The following USP54 variants were observed in gnomAD, a reference collection of about 807,000 sequenced individuals.
The protein encoded by USP54 is ubiquitin carboxyl-terminal hydrolase 54.
Under a neutral mutation model 170.5 loss-of-function variants are expected in USP54, and 87 were observed. That is an observed-to-expected ratio of 0.51 (90% CI 0.43 to 0.61). The LOEUF (loss-of-function observed/expected upper bound fraction) is 0.61, where lower values mean the gene tolerates loss of function less well. Among genes scored for constraint, USP54 ranks in the 20% least tolerant of loss-of-function variants. The pLI is 0.00. For synonymous variants in USP54, 655 were observed against 742.8 expected (o/e 0.88, Z 1.92); for missense variants, 1,786 against 2,047.8 (o/e 0.87, Z 2.47).
At chr10:73,539,384 AT>A in intron 10 of USP54, 59 bp downstream of exon 10, 1 of 1,419,594 alleles carries the variant, frequency 7.0e-7, no homozygotes, top group Non-Finnish European at 9.3e-7. Flanking sequence ...CTAAAGACAA[AT>A]GATTATTCTT....
chr10:73,606,017 A>G, intron 1 of USP54, among the ~76,000 whole-genome samples: 1 of 151,716 alleles, frequency 6.6e-6, no homozygotes, highest in East Asian at 1.9e-4. Flanking sequence ...GTCTTTACTA[A>G]AAATACAAAA....
At chr10:73,573,245 T>C (rs2075536891) in intron 3 of USP54, among the ~76,000 whole-genome samples, 1 of 152,016 alleles carries the variant, frequency 6.6e-6, no homozygotes, top group Admixed American at 6.6e-5. Flanking sequence ...GAGCTATGAT[T>C]ACACCAGTGT....
At chr10:73,523,155 T>A (rs184577780) in intron 17 of USP54, among the ~76,000 whole-genome samples, 1 of 152,338 alleles carries the variant, frequency 6.6e-6, no homozygotes, top group Admixed American at 6.5e-5. Flanking sequence ...GTAAACTGGC[T>A]TTGTTCTTGC....
chr10:73,581,908 A>G (rs1463867609), intron 1 of USP54, among the ~76,000 whole-genome samples: 1 of 152,234 alleles, frequency 6.6e-6, no homozygotes, highest in African/African-American at 2.4e-5. Flanking sequence ...ACATACCTCT[A>G]GAAGCTGGTG....
At chr10:73,510,176 A>T in intron 20 of USP54, among the ~76,000 whole-genome samples, 1 of 151,656 alleles carries the variant, frequency 6.6e-6, no homozygotes, top group Middle Eastern at 3.2e-3. Context: ...CTCTACTAAA[A>T]ATACAAAAAT....
At chr10:73,598,893 C>T (rs2078952072) in intron 1 of USP54, among the ~76,000 whole-genome samples, 1 of 152,006 alleles carries the variant, frequency 6.6e-6, no homozygotes, top group Admixed American at 6.6e-5. Flanking sequence ...GCACTCCAGC[C>T]TGGCGACAGA....
chr10:73,523,884 TTATTA>T (rs537891576), intron 16 of USP54, 134 bp from the exon 17 acceptor site: 7,059 of 167,916 alleles, frequency 0.042, 545 homozygotes, highest in African/African-American at 0.1. Flanking sequence ...TTATTATTTA[TTATTA>T]TTATTATTAT....
chr10:73,516,810 A>G lies in USP54; in HGVS notation c.3616T>C (p.Ser1206Pro), dbSNP rs2061156811. Residue 1206 changes from serine (S) to proline (P), a missense_variant, in exon 20 of 24, where the codon TCT (serine) becomes CCT (proline). Transcript: ENST00000687698. ...AGCCCAGAGTTTAAGGCAAGAGAAG[A>G]ATGTTCAGTGGACTCTTCCCAGGAA... The part of the protein sequence containing the change: ...PLSWEESTEH[S>P]SLALNSGLPN... 1 of 1,614,068 alleles carries G rather than the reference A, an allele frequency of 6.2e-7. No individual in the cohort carries two copies. The highest frequency in any genetic ancestry group is 1.3e-5 in the African/African-American group (1 of 74,940).
Position 73,576,875 on chromosome 10 carries a change from C to CT in USP54, c.-581-515_-581-514insA, listed in dbSNP as rs1308642710. On this transcript the variant is annotated intron_variant, in intron 1 of 23. Coordinates refer to ENST00000687698, the MANE Select transcript of USP54 (RefSeq NM_001391956.1). ...AGAAACACTGATGGCGAGTAAACCA[C>CT]ATGTCCTTAACATGCAGTCCAAGAG... 2.6e-5 allele frequency among the ~76,000 whole-genome samples: 4 copies of CT among 152,226 alleles called. No homozygotes were observed. In the East Asian group the frequency reaches 7.7e-4, roughly 29 times the overall value.
chr10:73,543,224 T>G (rs2067001637), intron 5 of USP54, 93 bp from the exon 6 acceptor site: 1 of 830,034 alleles, frequency 1.2e-6, no homozygotes, highest in Non-Finnish European at 2.0e-6. Context: ...ACAGCAACCC[T>G]TCTGGAAGGT....
chr10:73,586,913 G>T (rs1051908224), intron 1 of USP54, among the ~76,000 whole-genome samples: 4 of 152,150 alleles, frequency 2.6e-5, no homozygotes, highest in African/African-American at 9.7e-5. Context: ...AGAATTGTAT[G>T]CTGATAAAGG....
rs576321211 is a variant in USP54 at position 73,558,763 on chromosome 10, G to A, written c.240+12658C>T. On this transcript the variant is annotated intron_variant, in intron 4 of 23. Transcript: ENST00000687698. ...ACTCTTGAACAACTCAGTGGTTAGG[G>A]GAACTGACCCCATACAGTTGTAAAT... is the stretch of plus-strand genomic sequence containing the variant. Among the ~76,000 whole-genome samples the A allele has an allele frequency of 3.3e-5, 5 of 152,176 alleles. No individual in the cohort carries two copies. The South Asian group carries it at 1.0e-3, about 32-fold the overall frequency.
At chr10:73,593,363 C>CAAG (rs1484259845), upstream of USP54, among the ~76,000 whole-genome samples, 2 of 109,952 alleles carry the variant, frequency 1.8e-5, no homozygotes, top group Non-Finnish European at 3.5e-5. Context: ...GGCCACAGAG[C>CAAG]AAGACCCTGT....
chr10:73,622,794 A>AATCAGCTGG (rs2081196723), intron 1 of USP54, among the ~76,000 whole-genome samples: 1 of 151,930 alleles, frequency 6.6e-6, no homozygotes, highest in African/African-American at 2.4e-5. Context: ...CTCTAGAAAA[A>AATCAGCTGG]GTACAAAAAT....
rs189501096 is a variant in USP54 at position 73,514,343 on chromosome 10, A to G, written c.4051+2032T>C. 3.2e-3 allele frequency among the ~76,000 whole-genome samples: 490 copies of G among 152,042 alleles called. 3 individuals carry two copies. Among genetic ancestry groups the G allele is most frequent in the Admixed American group, 4.6e-3 (70 of 15,266 alleles). Reference sequence around the variant, plus strand: ...TTTGGGAGGCCAAGGCGAGTGGATCACTTGAGGTTAGGGCTTCGAGATGAG... The same window carrying G: ...TTTGGGAGGCCAAGGCGAGTGGATCGCTTGAGGTTAGGGCTTCGAGATGAG... On this transcript the variant is annotated intron_variant, in intron 20 of 23. Coordinates refer to ENST00000687698, the MANE Select transcript of USP54 (RefSeq NM_001391956.1).
At chr10:73,602,071 G>T (rs936396634) in intron 1 of USP54, among the ~76,000 whole-genome samples, 1 of 152,110 alleles carries the variant, frequency 6.6e-6, no homozygotes, top group African/African-American at 2.4e-5. Context: ...CATTTGCCCT[G>T]TCTAAAAGTT....
chr10:73,599,817 A>G (rs577818947), intron 1 of USP54, among the ~76,000 whole-genome samples: 1 of 152,218 alleles, frequency 6.6e-6, no homozygotes, highest in South Asian at 2.1e-4. Context: ...TTTTACAGAT[A>G]AGGAAACTGA....
At chr10:73,606,893 A>G (rs796687120) in intron 1 of USP54, among the ~76,000 whole-genome samples, 1 of 152,022 alleles carries the variant, frequency 6.6e-6, no homozygotes, top group African/African-American at 2.4e-5. Context: ...AAAAAAAAAA[A>G]AAAAGAAATG....
chr10:73,551,963 A>G (rs1002170884), intron 4 of USP54, among the ~76,000 whole-genome samples: 1 of 152,210 alleles, frequency 6.6e-6, no homozygotes, highest in Non-Finnish European at 1.5e-5. Flanking sequence ...GCTATATGGC[A>G]TCTTGGAGAG....
Sources: gnomAD v4.1 joint callset for allele counts (sites outside exome capture counted in the v4.1 genomes callset) on GRCh38, gnomAD v4.1.1 for gene constraint, MANE v1.5 for transcripts, NCBI Gene and HGNC (gene_info 2026-07-23, HGNC 2026-07-21) for gene names.